Variants in GPD1L observed in about 807,000 individuals in gnomAD.
GPD1L encodes glycerol-3-phosphate dehydrogenase 1 like, also known as glycerol-3-phosphate dehydrogenase 1-like protein.
In GPD1L, 17 loss-of-function variants were observed where a neutral mutation model predicts 32.9. The ratio of observed to expected loss-of-function variants is 0.52; its 90% CI spans 0.35 to 0.78. The LOEUF (loss-of-function observed/expected upper bound fraction) is 0.78. Ranked by LOEUF, GPD1L falls within the 30% of genes least tolerant of loss-of-function variation. The pLI is 0.01. For synonymous variants in GPD1L, 187 were observed against 165.9 expected (o/e 1.13, Z -0.98); for missense variants, 361 against 447.8 (o/e 0.81, Z 1.75).
At chr3:32,122,062 C>T (rs981326671) in intron 1 of GPD1L, among the ~76,000 whole-genome samples, 1 of 152,100 alleles carries the variant, frequency 6.6e-6, no homozygotes. Flanking sequence ...AGCCACCGTG[C>T]GCAGCAGCAC....
intron 1 of GPD1L, among the ~76,000 whole-genome samples, chr3:32,120,149 C>G (rs1176473809): frequency 1.3e-5 from 2 of 152,130 alleles, no homozygotes; most frequent in African/African-American, 4.8e-5. Flanking sequence ...GAAACCCTGT[C>G]TCTACTAAAA....
In GPD1L at chr3:32,167,483, G is replaced by C. The variant is rs949084103; in HGVS notation, c.*1573G>C. 2 of 152,636 alleles carry C rather than the reference G, an allele frequency of 1.3e-5. No individual in the cohort carries two copies. The highest frequency in any genetic ancestry group is 2.9e-5 in the Non-Finnish European group (2 of 68,040). The allele number at this position is 152,636 out of a possible 1,614,324, so 9.5% of individuals were successfully genotyped here. The stretch of plus-strand genomic sequence containing the variant: ...TGAACTTTTACAGTTCAGGCCTGCT[G>C]TGAATCTTTGATGAAGCTTTAAGGT... On this transcript the variant is annotated 3_prime_UTR_variant, in exon 8 of 8. Coordinates refer to ENST00000282541, the MANE Select transcript of GPD1L (RefSeq NM_015141.4).
chr3:32,130,794 C>T (rs1700577753), intron 2 of GPD1L, among the ~76,000 whole-genome samples: 1 of 152,086 alleles, frequency 6.6e-6, no homozygotes, highest in South Asian at 2.1e-4. Flanking sequence ...GGGCGGATCA[C>T]TTGAGGTCAG....
intron 2 of GPD1L, among the ~76,000 whole-genome samples, chr3:32,137,242 T>G (rs1375471218): frequency 6.6e-6 from 1 of 152,208 alleles, no homozygotes; most frequent in African/African-American, 2.4e-5. Context: ...TAGTTAGGTT[T>G]AAATACATAT....
In GPD1L at chr3:32,121,589, C is replaced by CTATA. The variant is rs1208760907; in HGVS notation, c.48-6479_48-6476dup. Among the ~76,000 whole-genome samples the CTATA allele has an allele frequency of 2.2e-5, 2 of 91,078 alleles. 1 individual carries two copies. Among genetic ancestry groups the CTATA allele is most frequent in the African/African-American group, 1.1e-4 (2 of 17,594 alleles). 59.8% of individuals were successfully genotyped at this position (91,078 alleles called of 152,430 possible). A position where few individuals can be genotyped will look rare whatever the true frequency, so the allele number is the denominator to read the frequency against. On this transcript the variant is annotated intron_variant, in intron 1 of 7. Coordinates refer to ENST00000282541, the MANE Select transcript of GPD1L (RefSeq NM_015141.4). Reference sequence around the variant, plus strand: ...TGTATATATTTCTATATATATATTTCTATATATATATTTCTATATATATTT... The same window carrying CTATA: ...TGTATATATTTCTATATATATATTTCTATATATATATATATTTCTATATATATTT...
At chr3:32,150,110 C>G (rs1467738358) in intron 5 of GPD1L, among the ~76,000 whole-genome samples, 2 of 152,158 alleles carry the variant, frequency 1.3e-5, no homozygotes, top group African/African-American at 4.8e-5. Context: ...CTTTGAGGTT[C>G]CTCATCACCC....
intron 1 of GPD1L, among the ~76,000 whole-genome samples, chr3:32,123,117 G>A (rs1433887231): frequency 6.6e-6 from 1 of 152,042 alleles, no homozygotes; most frequent in Admixed American, 6.6e-5. Context: ...TGCCCAAGCT[G>A]TCTCAAACTC....
At chr3:32,152,860 A>G (rs1458097780) in intron 5 of GPD1L, among the ~76,000 whole-genome samples, 2 of 58,964 alleles carry the variant, frequency 3.4e-5, no homozygotes, top group African/African-American at 1.1e-4. Flanking sequence ...AAAAAAAAAG[A>G]CAGACAAAGA....
At chr3:32,129,454 C>T (rs1177935298) in intron 2 of GPD1L, among the ~76,000 whole-genome samples, 1 of 152,158 alleles carries the variant, frequency 6.6e-6, no homozygotes, top group Non-Finnish European at 1.5e-5. Flanking sequence ...CTCATTTAAT[C>T]CTCTCAATAA....
chr3:32,147,702 C>T (rs1417320422), intron 5 of GPD1L, among the ~76,000 whole-genome samples: 4 of 152,184 alleles, frequency 2.6e-5, no homozygotes, highest in Non-Finnish European at 5.9e-5. Flanking sequence ...CAGCAAAAAG[C>T]CACCCTTCAG....
intron 1 of GPD1L, among the ~76,000 whole-genome samples, chr3:32,111,396 A>C (rs887064618): frequency 7.2e-5 from 11 of 152,192 alleles, no homozygotes; most frequent in African/African-American, 2.7e-4. Flanking sequence ...CCCACTTGGC[A>C]GCTCTGAGGC....
chr3:32,112,167 C>A (rs915776618), intron 1 of GPD1L, among the ~76,000 whole-genome samples: 2 of 152,058 alleles, frequency 1.3e-5, no homozygotes, highest in African/African-American at 4.8e-5. Flanking sequence ...TCATCTCCCC[C>A]ACCTGTTTGG....
At chr3:32,164,710 C>A (rs1267956923) in intron 7 of GPD1L, among the ~76,000 whole-genome samples, 1 of 152,136 alleles carries the variant, frequency 6.6e-6, no homozygotes, top group Non-Finnish European at 1.5e-5. Context: ...AAAAAAGTAG[C>A]AAAACATTCC....
intron 5 of GPD1L, among the ~76,000 whole-genome samples, chr3:32,149,435 A>G (rs1201059672): frequency 6.6e-6 from 1 of 152,198 alleles, no homozygotes; most frequent in East Asian, 1.9e-4. Flanking sequence ...CAAAATGTAC[A>G]TTATCTTTTT....
chr3:32,139,146 G>T (rs953867479), intron 3 of GPD1L, among the ~76,000 whole-genome samples: 14 of 152,182 alleles, frequency 9.2e-5, no homozygotes, highest in Admixed American at 5.9e-4. Context: ...GGAAGTTCAT[G>T]CATTTAAATG....
intron 5 of GPD1L, among the ~76,000 whole-genome samples, chr3:32,147,004 A>T (rs1700840058): frequency 1.3e-5 from 2 of 152,218 alleles, no homozygotes; most frequent in African/African-American, 4.8e-5. Flanking sequence ...TTTGGAAAGC[A>T]TGGGAGTTCC....
At chr3:32,123,509 G>C (rs907651688) in intron 1 of GPD1L, among the ~76,000 whole-genome samples, 5 of 152,040 alleles carry the variant, frequency 3.3e-5, no homozygotes, top group African/African-American at 9.7e-5. Context: ...TGTATCCCTA[G>C]TACCCATTTC....
In GPD1L at chr3:32,106,770, C is replaced by T. The variant is rs1479521553; in HGVS notation, c.47+12C>T. 2.6e-6 allele frequency: 4 copies of T among 1,557,208 alleles called. No homozygotes were observed. The highest frequency in any genetic ancestry group is 1.4e-5 in the African/African-American group (1 of 70,686). ...GGCTCGGGGAACTGGTGAGCGGCGG[C>T]GGGCTGGAGGCCGGGGCTCCGCTTC... On this transcript the variant is annotated intron_variant, in intron 1 of 7. Coordinates refer to ENST00000282541, the MANE Select transcript of GPD1L (RefSeq NM_015141.4). This position sits in a 1 kb window ranked among gnomAD's most constrained non-coding sequence, Gnocchi z 4.0.
chr3:32,155,275 C>A (rs1359750001), intron 5 of GPD1L, among the ~76,000 whole-genome samples: 4 of 152,130 alleles, frequency 2.6e-5, no homozygotes, highest in African/African-American at 9.7e-5. Context: ...CTCTCTGAGC[C>A]TCAGTTGTGC....
Sources: gnomAD v4.1 joint callset for allele counts (sites outside exome capture counted in the v4.1 genomes callset) on GRCh38, gnomAD v4.1.1 for gene constraint, Gnocchi (gnomAD v3.1) non-coding constraint, MANE v1.5 for transcripts, NCBI Gene and HGNC (gene_info 2026-07-23, HGNC 2026-07-21) for gene names.